Variants in MSI2 observed in about 807,000 individuals in gnomAD.
MSI2 encodes musashi RNA binding protein 2.
A neutral mutation model predicts 45.6 loss-of-function variants in MSI2; 17 were observed. That is an observed-to-expected ratio of 0.37 (90% CI 0.26 to 0.56). MSI2 has a LOEUF of 0.56. Among genes scored for constraint, MSI2 ranks in the 20% least tolerant of loss-of-function variants. The pLI is 0.77. For synonymous variants in MSI2, 156 were observed against 158.2 expected (o/e 0.99, Z 0.11); for missense variants, 293 against 444.2 (o/e 0.66, Z 3.06).
At chr17:57,655,969 C>G (rs1911559682) in intron 11 of MSI2, among the ~76,000 whole-genome samples, 1 of 152,170 alleles carries the variant, frequency 6.6e-6, no homozygotes, top group Non-Finnish European at 1.5e-5. Context: ...CCTGCCTGTT[C>G]TTAGATTGTA....
intron 7 of MSI2, among the ~76,000 whole-genome samples, chr17:57,566,958 T>C (rs2087748021): frequency 6.6e-6 from 1 of 152,172 alleles, no homozygotes; most frequent in South Asian, 2.1e-4. Context: ...CCAGGGAGTG[T>C]AGGAGAAGGA....
intron 6 of MSI2, among the ~76,000 whole-genome samples, chr17:57,430,714 T>C (rs2143378925): frequency 6.6e-6 from 1 of 152,336 alleles, no homozygotes; most frequent in East Asian, 1.9e-4. Flanking sequence ...CACTTTTCCC[T>C]GGCCCATGTG....
intron 5 of MSI2, among the ~76,000 whole-genome samples, chr17:57,271,744 C>CTTTTTTTTTTTTTTT (rs60803369): frequency 4.6e-5 from 5 of 107,630 alleles, no homozygotes; most frequent in Non-Finnish European, 7.7e-5. Context: ...CCACTGCAAT[C>CTTTTTTTTTTTTTTT]TTTTTTTTTT....
chr17:57,306,729 ATTTG>A (rs1015697108), intron 5 of MSI2, among the ~76,000 whole-genome samples: 17 of 150,060 alleles, frequency 1.1e-4, no homozygotes, highest in African/African-American at 3.2e-4. Flanking sequence ...TTATCTATCT[ATTTG>A]TTTGTTTGTT....
At chr17:57,271,744 CTTT>C (rs60803369) in intron 5 of MSI2, among the ~76,000 whole-genome samples, 8,471 of 107,384 alleles carry the variant, frequency 0.079, 275 homozygotes, top group East Asian at 0.099. Context: ...CCACTGCAAT[CTTT>C]TTTTTTTTTT....
chr17:57,654,136 C>T (rs1209242934), intron 11 of MSI2, among the ~76,000 whole-genome samples: 5 of 152,184 alleles, frequency 3.3e-5, no homozygotes, highest in Admixed American at 6.5e-5. Flanking sequence ...CCGAGGTGCC[C>T]GCCCCGCCCC....
At chr17:57,433,857 A>G (rs941441651) in intron 6 of MSI2, among the ~76,000 whole-genome samples, 1 of 152,178 alleles carries the variant, frequency 6.6e-6, no homozygotes, top group Non-Finnish European at 1.5e-5. Context: ...GTTCCTAACC[A>G]GTGTTTTTTG....
chr17:57,511,526 G>A (rs186747286), intron 6 of MSI2, among the ~76,000 whole-genome samples: 72 of 152,264 alleles, frequency 4.7e-4, no homozygotes, highest in Non-Finnish European at 6.3e-4. Flanking sequence ...GGCTCAGAAC[G>A]CCTCTCATTT....
At chr17:57,690,799 A>C in the MSI2 span, among the ~76,000 whole-genome samples, 1 of 152,226 alleles carries the variant, frequency 6.6e-6, no homozygotes, top group East Asian at 1.9e-4. Context: ...AATCCAATTT[A>C]TCAATCTTTT....
At chr17:57,355,854 T>C (rs951469277) in intron 5 of MSI2, among the ~76,000 whole-genome samples, 5 of 152,208 alleles carry the variant, frequency 3.3e-5, no homozygotes, top group African/African-American at 1.2e-4. Context: ...TTGGAAGATG[T>C]AAAGTGGCAT....
intron 6 of MSI2, among the ~76,000 whole-genome samples, chr17:57,444,178 A>G (rs1362343387): frequency 2.0e-5 from 3 of 152,186 alleles, no homozygotes; most frequent in African/African-American, 7.2e-5. Context: ...ATTCCTGCAC[A>G]TGGCTAGGCA....
At chr17:57,463,424 C>T (rs556851589) in intron 6 of MSI2, among the ~76,000 whole-genome samples, 5 of 152,268 alleles carry the variant, frequency 3.3e-5, no homozygotes, top group South Asian at 2.1e-4. Context: ...AGCCAGTCAC[C>T]GCTTCTGTCT....
At chr17:57,416,920 A>C (rs2143252856) in intron 6 of MSI2, among the ~76,000 whole-genome samples, 1 of 152,310 alleles carries the variant, frequency 6.6e-6, no homozygotes, top group East Asian at 1.9e-4. Flanking sequence ...GCTAGGTATT[A>C]AGCACCATGA....
downstream of MSI2, among the ~76,000 whole-genome samples, chr17:57,685,279 G>C (rs1450309691): frequency 2.0e-5 from 3 of 152,148 alleles, no homozygotes; most frequent in Non-Finnish European, 4.4e-5. Context: ...AGTACATTGA[G>C]GGCAAGTCCC....
chr17:57,560,064 T>A (rs2087535613), intron 7 of MSI2, among the ~76,000 whole-genome samples: 2 of 152,234 alleles, frequency 1.3e-5, no homozygotes, highest in Admixed American at 6.5e-5. Context: ...GCTTTTAAAG[T>A]AGAAACACAT....
intron 5 of MSI2, among the ~76,000 whole-genome samples, chr17:57,379,515 G>A (rs943727529): frequency 1.3e-5 from 2 of 151,254 alleles, no homozygotes; most frequent in African/African-American, 4.9e-5. Context: ...ATCTATCAGG[G>A]AGAGAAAAGC....
Position 57,407,821 on chromosome 17 carries a change from C to G in MSI2, c.405+6350C>G, listed in dbSNP as rs961195692. On this transcript the variant is annotated intron_variant, in intron 6 of 13. Coordinates refer to ENST00000284073, the MANE Select transcript of MSI2 (RefSeq NM_138962.4). The surrounding 1 kb of genome is among the most constrained non-coding windows in gnomAD (Gnocchi z 4.1). ...TAGCCCAGAACAAAGCCAACACTGT[C>G]CCCATGTTTTATTAATCTTCTGCCT... Among the ~76,000 whole-genome samples the G allele has an allele frequency of 1.3e-5, 2 of 152,184 alleles. No individual in the cohort carries two copies. Among genetic ancestry groups the G allele is most frequent in the Non-Finnish European group, 2.9e-5 (2 of 68,036 alleles).
intron 5 of MSI2, among the ~76,000 whole-genome samples, chr17:57,341,931 C>G (rs956824197): frequency 2.0e-5 from 3 of 151,966 alleles, no homozygotes; most frequent in African/African-American, 7.3e-5. Flanking sequence ...TTCTCTTTCT[C>G]TTTTCTTCCT....
At chr17:57,439,559 C>G (rs1043190391) in intron 6 of MSI2, among the ~76,000 whole-genome samples, 3 of 137,242 alleles carry the variant, frequency 2.2e-5, no homozygotes, top group African/African-American at 8.0e-5. Context: ...TAGGCTTTGT[C>G]TTTTTTTTTT....
Sources: gnomAD v4.1 joint callset for allele counts (sites outside exome capture counted in the v4.1 genomes callset) on GRCh38, gnomAD v4.1.1 for gene constraint, Gnocchi (gnomAD v3.1) non-coding constraint, MANE v1.5 for transcripts, NCBI Gene and HGNC (gene_info 2026-07-23, HGNC 2026-07-21) for gene names.